The following POR variants were observed in gnomAD, a reference collection of about 807,000 sequenced individuals.
POR encodes cytochrome p450 oxidoreductase, also known as NADPH--cytochrome P450 reductase.
In POR, 56 loss-of-function variants were observed where a neutral mutation model predicts 84.0. That is an observed-to-expected ratio of 0.67 (90% CI 0.54 to 0.83). The LOEUF (loss-of-function observed/expected upper bound fraction) is 0.83, where lower values mean the gene tolerates loss of function less well. Among genes scored for constraint, POR ranks in the 40% least tolerant of loss-of-function variants. The probability of loss-of-function intolerance (pLI) is 0.00; values close to 1 mark genes in which losing one functional copy is unlikely to be tolerated. For missense variants in POR, 938 were observed against 944.3 expected (o/e 0.99, Z 0.09); for synonymous variants, 414 against 400.5 (o/e 1.03, Z -0.40).
intron 1 of POR, among the ~76,000 whole-genome samples, chr7:75,939,412 G>A (rs782120147): frequency 2.0e-5 from 3 of 152,140 alleles, no homozygotes; most frequent in Non-Finnish European, 2.9e-5. Context: ...ACACAGAGCC[G>A]TGGCCTGCAA....
chr7:75,928,668 T>G (rs1430876342), intron 1 of POR, among the ~76,000 whole-genome samples: 1 of 152,094 alleles, frequency 6.6e-6, no homozygotes, highest in Non-Finnish European at 1.5e-5. Flanking sequence ...TAGACGTTGC[T>G]TAGAGTTCAG....
chr7:75,981,508 T>G lies in POR; in HGVS notation c.642-9T>G, dbSNP rs1789040306. On this transcript the variant is annotated splice_polypyrimidine_tract_variant and intron_variant, in intron 6 of 15. Transcript: ENST00000461988. The stretch of plus-strand genomic sequence containing the variant: ...CTGAGCCGCTCCCCCTCTCCTCTCC[T>G]CGGCCCAGCTTGGAGGAGGACTTCA... The G allele has an allele frequency of 6.2e-7, 1 of 1,609,574 alleles. No homozygotes were observed.
intron 2 of POR, among the ~76,000 whole-genome samples, chr7:75,956,080 C>T (rs1787673336): frequency 6.6e-6 from 1 of 152,174 alleles, no homozygotes; most frequent in Admixed American, 6.5e-5. Context: ...GGAGAAATCA[C>T]TTGAGGTCAG....
At chr7:75,917,108 T>G (rs1806607130) in intron 1 of POR, among the ~76,000 whole-genome samples, 1 of 151,898 alleles carries the variant, frequency 6.6e-6, no homozygotes, top group South Asian at 2.1e-4. Context: ...CACTCTGTCG[T>G]GCAGGCTGGA....
intron 1 of POR, among the ~76,000 whole-genome samples, chr7:75,939,144 A>G (rs1197791276): frequency 1.3e-5 from 2 of 152,220 alleles, no homozygotes; most frequent in African/African-American, 4.8e-5. Flanking sequence ...GAACCCACAC[A>G]GTTCCTGGAG....
intron 10 of POR, 21 bp from the exon 11 acceptor site, chr7:75,984,756 C>G (rs782176155): frequency 6.2e-7 from 1 of 1,610,960 alleles, no homozygotes. Flanking sequence ...ACCCCAAGTC[C>G]TGCCTGTCTC....
At chr7:75,946,395 TC>T (rs1398097973) in intron 1 of POR, among the ~76,000 whole-genome samples, 2 of 151,980 alleles carry the variant, frequency 1.3e-5, no homozygotes, top group East Asian at 3.9e-4. Flanking sequence ...CAGGTGATCC[TC>T]CTACCTCGGC....
intron 1 of POR, among the ~76,000 whole-genome samples, chr7:75,948,987 T>C (rs1787300439): frequency 6.6e-6 from 1 of 152,074 alleles, no homozygotes; most frequent in Non-Finnish European, 1.5e-5. Context: ...AATAATGAGA[T>C]GGCCATGTGC....
chr7:75,967,436 C>A (rs1245856244), intron 2 of POR, among the ~76,000 whole-genome samples: 1 of 152,100 alleles, frequency 6.6e-6, no homozygotes, highest in Non-Finnish European at 1.5e-5. Context: ...GGATGCTTCC[C>A]GCTGACATGG....
rs563243612 is a variant in POR, at chr7:75,985,690, G to C, written c.1510G>C (p.Gly504Arg). The change falls in exon 13 of 16, where the codon GGG becomes CGG. Residue 504 changes from glycine to arginine, a missense_variant. Physicochemically the swap from Gly to Arg is moderately radical, Grantham distance 125. Coordinates refer to ENST00000461988, the MANE Select transcript of POR (RefSeq NM_000941.3). ...CTGGCTGCGGGCCAAGGAGCCTGCC[G>C]GGGAGAACGGCGGCCGTGCGCTGGT... 4 of 1,592,664 alleles carry C rather than the reference G, an allele frequency of 2.5e-6. No homozygotes were observed. The Admixed American group carries it at 5.3e-5, about 21-fold the overall frequency.
intron 2 of POR, among the ~76,000 whole-genome samples, chr7:75,964,113 C>T (rs1362065908): frequency 6.6e-6 from 1 of 151,820 alleles, no homozygotes; most frequent in Non-Finnish European, 1.5e-5. Context: ...GATTCTCCTG[C>T]CTCAGCTTCC....
chr7:75,925,038 A>G (rs1807049790), intron 1 of POR, among the ~76,000 whole-genome samples: 1 of 152,146 alleles, frequency 6.6e-6, no homozygotes, highest in Non-Finnish European at 1.5e-5. Flanking sequence ...GGGAACTGAA[A>G]GCTGAGAGCC....
intron 1 of POR, among the ~76,000 whole-genome samples, chr7:75,935,617 G>A (rs1017860853): frequency 2.4e-4 from 31 of 128,952 alleles, no homozygotes; most frequent in African/African-American, 8.2e-4. Flanking sequence ...GCTGCTCGGG[G>A]CTTGTGTGTG....
In POR at chr7:75,979,476, G is replaced by T; in HGVS notation, c.263G>T (p.Gly88Val). 1 of 1,613,440 alleles carries T rather than the reference G, an allele frequency of 6.2e-7. No individual in the cohort carries two copies. The change falls in exon 4 of 16, where the codon GGC becomes GTC. Residue 88 changes from glycine (G) to valine (V), a missense_variant. Transcript: ENST00000461988. ...GGGAGGAACATCATCGTGTTCTACG[G>T]CTCCCAGACGGGGACTGCAGAGGAG...
chr7:75,944,039 G>A (rs1185518533), intron 1 of POR: 1 of 302,046 alleles, frequency 3.3e-6, no homozygotes. Flanking sequence ...AGGAGGCCCA[G>A]TGTGAGTCAG....
At chr7:75,966,368 G>C (rs2116496180) in intron 2 of POR, among the ~76,000 whole-genome samples, 1 of 152,260 alleles carries the variant, frequency 6.6e-6, no homozygotes, top group South Asian at 2.1e-4. Flanking sequence ...CCAAAGACTG[G>C]CGTTTCCAAC....
At chr7:75,950,884 T>G (rs1279250103) in intron 1 of POR, among the ~76,000 whole-genome samples, 2 of 147,518 alleles carry the variant, frequency 1.4e-5, no homozygotes, top group Non-Finnish European at 3.0e-5. Context: ...ATGGTGAAAC[T>G]CCATCTCTAC....
chr7:75,971,545 T>C (rs111240556), intron 2 of POR, among the ~76,000 whole-genome samples: 49,962 of 151,530 alleles, frequency 0.33, 8,961 homozygotes, highest in Non-Finnish European at 0.38. Flanking sequence ...AAGTGGACAG[T>C]GGACAGAAGA....
intron 1 of POR, among the ~76,000 whole-genome samples, chr7:75,952,947 G>A (rs1554553122): frequency 6.6e-6 from 1 of 152,186 alleles, no homozygotes; most frequent in East Asian, 1.9e-4. Flanking sequence ...TGCAATCTCG[G>A]CTCTTTGGGA....
Sources: gnomAD v4.1 joint callset for allele counts (sites outside exome capture counted in the v4.1 genomes callset) on GRCh38, gnomAD v4.1.1 for gene constraint, MANE v1.5 for transcripts, NCBI Gene and HGNC (gene_info 2026-07-23, HGNC 2026-07-21) for gene names.